The following AGMO variants were observed in gnomAD, a reference collection of about 807,000 sequenced individuals.
AGMO encodes alkylglycerol monooxygenase.
AGMO carries 75 observed loss-of-function variants against 60.2 expected under a neutral mutation model. The ratio of observed to expected loss-of-function variants is 1.25; its 90% CI spans 1.03 to 1.51. The LOEUF (loss-of-function observed/expected upper bound fraction) is 1.51. Among genes scored for constraint, AGMO ranks in the 40% most tolerant of loss-of-function variants. The probability of loss-of-function intolerance (pLI) is 0.00; values close to 1 mark genes in which losing one functional copy is unlikely to be tolerated. For missense variants in AGMO, 763 were observed against 525.5 expected (o/e 1.45, Z -4.42); for synonymous variants, 261 against 177.1 (o/e 1.47, Z -3.76).
chr7:15,131,389 C>G, the AGMO span, among the ~76,000 whole-genome samples: 9 of 152,124 alleles, frequency 5.9e-5, no homozygotes, highest in African/African-American at 1.9e-4. Context: ...CTCCAACTTA[C>G]AAACCTCAGT....
At chr7:15,392,960 G>C (rs1198468039) in intron 6 of AGMO, among the ~76,000 whole-genome samples, 1 of 152,184 alleles carries the variant, frequency 6.6e-6, no homozygotes, top group Non-Finnish European at 1.5e-5. Context: ...TTTCCTAAGT[G>C]TTGAATATCT....
intron 12 of AGMO, among the ~76,000 whole-genome samples, chr7:15,328,077 A>T (rs1781399506): frequency 6.6e-6 from 1 of 151,426 alleles, no homozygotes; most frequent in Non-Finnish European, 1.5e-5. Flanking sequence ...TGCCTGGTCA[A>T]TACACTGAGT....
intron 6 of AGMO, among the ~76,000 whole-genome samples, chr7:15,391,403 A>C (rs1053629098): frequency 6.6e-6 from 1 of 152,176 alleles, no homozygotes; most frequent in Non-Finnish European, 1.5e-5. Context: ...GTAAAAAATA[A>C]ACTACCCTTA....
At chr7:15,377,778 T>C (rs757785547) in intron 10 of AGMO, among the ~76,000 whole-genome samples, 3 of 152,042 alleles carry the variant, frequency 2.0e-5, no homozygotes, top group Non-Finnish European at 4.4e-5. Context: ...GGGGAGAACA[T>C]ATTAAGTTAA....
chr7:15,151,927 AG>A, the AGMO span, among the ~76,000 whole-genome samples: 1 of 152,098 alleles, frequency 6.6e-6, no homozygotes, highest in African/African-American at 2.4e-5. Context: ...TTCTTTCTTC[AG>A]GTTAGTCTAT....
chr7:15,167,251 T>C, the AGMO span, among the ~76,000 whole-genome samples: 1 of 152,230 alleles, frequency 6.6e-6, no homozygotes, highest in African/African-American at 2.4e-5. Context: ...TAATGATTGG[T>C]AAATTTTGGT....
intron 4 of AGMO, among the ~76,000 whole-genome samples, chr7:15,420,961 T>C (rs1300008783): frequency 1.3e-5 from 2 of 152,214 alleles, no homozygotes; most frequent in East Asian, 3.9e-4. Context: ...GACCTATGTG[T>C]TTGAGGAAAG....
chr7:15,211,571 G>C (rs1180724630), intron 12 of AGMO, among the ~76,000 whole-genome samples: 5 of 151,328 alleles, frequency 3.3e-5, no homozygotes, highest in African/African-American at 1.2e-4. Context: ...TTTTTTTTGA[G>C]TTTTTATACA....
At chr7:15,273,553 T>C (rs1231089239) in intron 12 of AGMO, among the ~76,000 whole-genome samples, 5 of 152,258 alleles carry the variant, frequency 3.3e-5, no homozygotes, top group South Asian at 4.1e-4. Context: ...AGTCAGGTAG[T>C]GTGATGCCTC....
intron 3 of AGMO, among the ~76,000 whole-genome samples, chr7:15,533,887 A>T (rs1214510005): frequency 6.6e-6 from 1 of 152,122 alleles, no homozygotes; most frequent in Non-Finnish European, 1.5e-5. Flanking sequence ...CAGAGCTGGC[A>T]TTAAAAATTT....
At chr7:15,394,662 G>T (rs774694399) in intron 5 of AGMO, among the ~76,000 whole-genome samples, 1 of 152,146 alleles carries the variant, frequency 6.6e-6, no homozygotes, top group Non-Finnish European at 1.5e-5. Context: ...TACGGGAGCA[G>T]GGTATAACTA....
chr7:15,382,291 T>C (rs1164998434), intron 10 of AGMO, among the ~76,000 whole-genome samples: 3 of 152,176 alleles, frequency 2.0e-5, no homozygotes, highest in Admixed American at 6.5e-5. Flanking sequence ...AGCCAAAACA[T>C]ATCTCCCATT....
intron 12 of AGMO, among the ~76,000 whole-genome samples, chr7:15,281,652 A>G (rs966217430): frequency 6.6e-6 from 1 of 152,116 alleles, no homozygotes; most frequent in African/African-American, 2.4e-5. Flanking sequence ...GAGCTCCTCC[A>G]TGCACTTCTG....
intron 12 of AGMO, among the ~76,000 whole-genome samples, chr7:15,248,839 C>A (rs186436727): frequency 9.2e-5 from 14 of 152,280 alleles, no homozygotes; most frequent in Admixed American, 8.5e-4. Flanking sequence ...AGTGAGGAGG[C>A]AATCTGATAA....
chr7:15,407,042 T>G (rs1784721455), intron 5 of AGMO, among the ~76,000 whole-genome samples: 1 of 144,818 alleles, frequency 6.9e-6, no homozygotes, highest in Non-Finnish European at 1.5e-5. Context: ...TATACACACA[T>G]ATATATGAAT....
intron 12 of AGMO, among the ~76,000 whole-genome samples, chr7:15,229,719 TATATATAAATTATATATTATA>T (rs966941290): frequency 2.6e-4 from 31 of 121,364 alleles, no homozygotes; most frequent in Admixed American, 2.3e-4. Flanking sequence ...TATATTATAT[TATATATAAATTATATATTATA>T]ATATATATAA....
At chr7:15,413,532 C>T (rs932366009) in intron 5 of AGMO, among the ~76,000 whole-genome samples, 8 of 151,786 alleles carry the variant, frequency 5.3e-5, no homozygotes, top group African/African-American at 1.9e-4. Context: ...AGTCAAACTG[C>T]TAATATTTTA....
At chr7:15,270,781 T>C (rs1455484923) in intron 12 of AGMO, among the ~76,000 whole-genome samples, 2 of 150,976 alleles carry the variant, frequency 1.3e-5, no homozygotes, top group African/African-American at 2.5e-5. Flanking sequence ...CTAGGATTTT[T>C]ATAATTTCAA....
intron 12 of AGMO, among the ~76,000 whole-genome samples, chr7:15,339,276 G>A (rs1281888289): frequency 6.6e-6 from 1 of 152,110 alleles, no homozygotes; most frequent in African/African-American, 2.4e-5. Flanking sequence ...GCCCTGACAT[G>A]GAAGACAAAG....
Sources: allele counts gnomAD v4.1 joint callset (sites outside exome capture counted in the v4.1 genomes callset), GRCh38; gene constraint gnomAD v4.1.1; transcripts MANE v1.5; gene names NCBI Gene and HGNC (gene_info 2026-07-23, HGNC 2026-07-21).